ZNF395: variants seen among roughly 807,000 people sequenced by gnomAD.
The protein encoded by ZNF395 is HD gene regulatory region-binding protein 2.
ZNF395 carries 20 observed loss-of-function variants against 57.7 expected under a neutral mutation model. That is an observed-to-expected ratio of 0.35 (90% CI 0.24 to 0.50). ZNF395 has a LOEUF of 0.50. ZNF395 is among the 20% of genes least tolerant of loss of function. ZNF395 has a pLI of 0.97. For synonymous variants in ZNF395, 295 were observed against 275.9 expected (o/e 1.07, Z -0.69); for missense variants, 606 against 671.2 (o/e 0.90, Z 1.07).
At chr8:28,383,423 C>G (rs1802134136) in intron 1 of ZNF395, among the ~76,000 whole-genome samples, 1 of 152,104 alleles carries the variant, frequency 6.6e-6, no homozygotes, top group Non-Finnish European at 1.5e-5. Context: ...CTGCCTCACT[C>G]TCTCTCTCCT....
chr8:28,361,907 C>T (rs969837661), intron 1 of ZNF395, among the ~76,000 whole-genome samples: 5 of 151,902 alleles, frequency 3.3e-5, no homozygotes, highest in African/African-American at 9.7e-5. Flanking sequence ...GCCTGGCCAA[C>T]GTCATGAAAC....
intron 1 of ZNF395, among the ~76,000 whole-genome samples, chr8:28,373,598 A>G (rs190368184): frequency 7.9e-5 from 12 of 152,228 alleles, no homozygotes; most frequent in Admixed American, 3.9e-4. Flanking sequence ...AGAATTTCCC[A>G]TCCAGAGTCC....
rs767806755 is a variant in ZNF395, at chr8:28,348,447, T to A, written c.*272A>T. The A allele has an allele frequency of 1.7e-5, 7 of 418,288 alleles. No homozygotes were observed. The highest frequency in any genetic ancestry group is 4.5e-6 in the Non-Finnish European group (1 of 223,464). 25.9% of individuals were successfully genotyped at this position (418,288 alleles called of 1,614,324 possible). A position where few individuals can be genotyped will look rare whatever the true frequency, so the allele number is the denominator to read the frequency against. On this transcript the variant is annotated 3_prime_UTR_variant, in exon 10 of 10. Transcript: ENST00000344423. ...ATGTGGGAAACGGAGGGTAATTAAT[T>A]CTTTGGTCACTGGTTCACTGCTGAA...
chr8:28,375,146 G>A (rs1802025223), intron 1 of ZNF395: 1 of 152,284 alleles, frequency 6.6e-6, no homozygotes, highest in African/African-American at 2.4e-5. Flanking sequence ...CAGCACTTTG[G>A]GAGGCCAAGG....
intron 1 of ZNF395, chr8:28,386,117 G>GCGCGGCC (rs921129876): frequency 6.8e-6 from 1 of 147,048 alleles, no homozygotes; most frequent in Non-Finnish European, 1.5e-5. Flanking sequence ...CGCCCTCCCG[G>GCGCGGCC]CGCGGCCCGC....
intron 1 of ZNF395, among the ~76,000 whole-genome samples, chr8:28,380,609 C>T (rs191002934): frequency 4.9e-4 from 74 of 152,318 alleles, no homozygotes; most frequent in Middle Eastern, 3.4e-3. Context: ...ATCCAGCCCA[C>T]GTCTTACCAC....
rs1230051222 is a variant in ZNF395, at chr8:28,359,442, G to T, written c.473+150C>A. The T allele has an allele frequency of 1.8e-6, 2 of 1,120,098 alleles. No individual in the cohort carries two copies. Among genetic ancestry groups the T allele is most frequent in the South Asian group, 4.2e-5 (2 of 47,896 alleles). The allele number at this position is 1,120,098 out of a possible 1,614,324, so 69.4% of individuals were successfully genotyped here. ...AGATGCCACTCTGGTTTTCTTAAAA[G>T]ATTCCCCTTTTCTGTGTCCCATTTG... is the stretch of plus-strand genomic sequence containing the variant. On this transcript the variant is annotated intron_variant, in intron 3 of 9. Transcript: ENST00000344423. The surrounding 1 kb of genome is among the most constrained non-coding windows in gnomAD (Gnocchi z 4.7).
chr8:28,372,461 A>G (rs1403640088), intron 1 of ZNF395, among the ~76,000 whole-genome samples: 6 of 152,250 alleles, frequency 3.9e-5, no homozygotes, highest in East Asian at 1.9e-4. Flanking sequence ...AAATTTTAAC[A>G]TCAACAAGGG....
chr8:28,373,388 G>A (rs1295852225), intron 1 of ZNF395, among the ~76,000 whole-genome samples: 1 of 152,230 alleles, frequency 6.6e-6, no homozygotes, highest in African/African-American at 2.4e-5. Context: ...ATCGTAAACA[G>A]TGGCACATGC....
rs751151095 is a variant in ZNF395 at position 28,360,954 on chromosome 8, C to T, written c.171G>A (p.Gln57=). The T allele has an allele frequency of 6.2e-7, 1 of 1,613,786 alleles. No individual in the cohort carries two copies. The highest frequency in any genetic ancestry group is 2.2e-5 in the East Asian group (1 of 44,884). ...TGGGAGCCTTAAGGACTTCCTTGGGCTGCTCCTGGCAGGGGGTGTCATCAG... is the reference window on the plus strand; with the variant it reads ...TGGGAGCCTTAAGGACTTCCTTGGGTTGCTCCTGGCAGGGGGTGTCATCAG... ...TTSDDTPCQE[Q]PKEVLKAPST... is the part of the protein sequence containing the mutation. The change falls in exon 2 of 10, where the codon CAG becomes CAA. Residue 57 remains glutamine, a synonymous_variant. Coordinates refer to ENST00000344423, the MANE Select transcript of ZNF395 (RefSeq NM_018660.3).
chr8:28,377,072 C>T (rs971348562), intron 1 of ZNF395, among the ~76,000 whole-genome samples: 1 of 152,030 alleles, frequency 6.6e-6, no homozygotes, highest in Admixed American at 6.5e-5. Context: ...GTGACCTGCA[C>T]AACAACAAAA....
chr8:28,358,485 G>A (rs2129955364), intron 3 of ZNF395, among the ~76,000 whole-genome samples: 1 of 152,210 alleles, frequency 6.6e-6, no homozygotes, highest in East Asian at 1.9e-4. Context: ...TCCCAGGCTG[G>A]AGTGCAGTGG....
At position 28,349,159 on chromosome 8, in the gene ZNF395, C is replaced by T. The variant is rs1359878095; in HGVS notation, c.1396G>A (p.Val466Ile). The T allele has an allele frequency of 5.4e-5, 85 of 1,565,952 alleles. No homozygotes were observed. The highest frequency in any genetic ancestry group is 7.0e-5 in the Non-Finnish European group (81 of 1,157,540). ...PAPAMKSHLI[V>I]TSPPRAQSGA... is the part of the protein sequence containing the mutation. ...CTCTGGGCCCGGGGTGGAGAAGTGA[C>T]GATCAGATGAGATTTCATCGCAGGT... The change falls in exon 9 of 10, where the codon GTC becomes ATC. Residue 466 changes from valine to isoleucine, a missense_variant. By Grantham distance (29) the Val-to-Ile change is conservative. Around this residue, in one of 3 missense-constraint regions of ZNF395, gnomAD observed 261 missense variants for 240.3 expected, o/e 1.09. Transcript: ENST00000344423.
At position 28,346,700 on chromosome 8, in the gene ZNF395, C is replaced by CT. The variant is rs1383325275; in HGVS notation, c.*2018dup. On this transcript the variant is annotated 3_prime_UTR_variant, in exon 10 of 10. Transcript: ENST00000344423. ...TAAAGACGAGACGGCAGTGAAAACT[C>CT]TGAGGGAGAGGGGAAGGGGAGGCCC... is the stretch of plus-strand genomic sequence containing the variant. 1.3e-5 allele frequency: 2 copies of CT among 152,008 alleles called. No homozygotes were observed. The highest frequency in any genetic ancestry group is 2.9e-5 in the Non-Finnish European group (2 of 68,060). 9.4% of individuals were successfully genotyped at this position (152,008 alleles called of 1,614,324 possible). A position where few individuals can be genotyped will look rare whatever the true frequency, so the allele number is the denominator to read the frequency against.
Position 28,356,798 on chromosome 8 carries a change from G to A in ZNF395, c.474-19C>T, listed in dbSNP as rs1192595320. On this transcript the variant is annotated intron_variant, in intron 3 of 9. Coordinates refer to ENST00000344423, the MANE Select transcript of ZNF395 (RefSeq NM_018660.3). The surrounding 1 kb of genome is among the most constrained non-coding windows in gnomAD (Gnocchi z 4.0). ...CGACTTCCTGGATTCACACGGATGA[G>A]TGGGAAATGTTACTTCCTGGCATGG... 3 of 1,603,364 alleles carry A rather than the reference G, an allele frequency of 1.9e-6. No individual in the cohort carries two copies. Among genetic ancestry groups the A allele is most frequent in the Non-Finnish European group, 1.7e-6 (2 of 1,171,980 alleles).
In ZNF395 at chr8:28,361,034, C is replaced by T. The variant is rs1437262133; in HGVS notation, c.91G>A (p.Ala31Thr). The T allele has an allele frequency of 6.2e-7, 1 of 1,609,922 alleles. No individual in the cohort carries two copies. Among genetic ancestry groups the T allele is most frequent in the East Asian group, 2.2e-5 (1 of 44,862 alleles). ...GPSASEGPSA[A>T]PPSEPLLEGA... ...TCTAGCAGTGGCTCCGAGGGTGGGG[C>T]AGCCGAGGGCCCCTCCGAGGCACTG... is the stretch of plus-strand genomic sequence containing the variant. Residue 31 changes from alanine to threonine, a missense_variant, in exon 2 of 10, where the codon GCC (alanine) becomes ACC (threonine). Physicochemically the swap from Ala to Thr is moderately conservative, Grantham distance 58. Transcript: ENST00000344423.
chr8:28,351,639 A>G lies in ZNF395; in HGVS notation c.1089T>C (p.Pro363=). ...PAPTPSMTGL[P]LSALPPPLHK... ...GCAGAGGTGGTGGAAGAGCAGACAG[A>G]GGCAGGCCAGTCATGCTGGGGGTGG... Residue 363 remains proline, a synonymous_variant, in exon 7 of 10, where the codon CCT becomes CCC. Coordinates refer to ENST00000344423, the MANE Select transcript of ZNF395 (RefSeq NM_018660.3). 1 of 1,613,466 alleles carries G rather than the reference A, an allele frequency of 6.2e-7. No individual in the cohort carries two copies. The highest frequency in any genetic ancestry group is 8.5e-7 in the Non-Finnish European group (1 of 1,179,958).
Position 28,371,261 on chromosome 8 carries a change from G to A in ZNF395, c.-58-10079C>T, listed in dbSNP as rs568693769. Among the ~76,000 whole-genome samples, 3 of 152,320 alleles carry A rather than the reference G, an allele frequency of 2.0e-5. No homozygotes were observed. The South Asian group carries it at 6.2e-4, about 32-fold the overall frequency. ...AGTCGCACGATCACAGCTCACTGCGGCCTTGACCTCCCAGGTTCAAGCTAT... is the reference window on the plus strand; with the variant it reads ...AGTCGCACGATCACAGCTCACTGCGACCTTGACCTCCCAGGTTCAAGCTAT... On this transcript the variant is annotated intron_variant, in intron 1 of 9. Transcript: ENST00000344423.
intron 1 of ZNF395, among the ~76,000 whole-genome samples, chr8:28,372,849 G>A (rs1039095378): frequency 1.3e-5 from 2 of 152,204 alleles, no homozygotes; most frequent in African/African-American, 4.8e-5. Flanking sequence ...TAAATGTGCT[G>A]TGTGACAGGG....
Sources: gnomAD v4.1 joint callset for allele counts (sites outside exome capture counted in the v4.1 genomes callset) on GRCh38, gnomAD v4.1.1 for gene constraint, gnomAD v4.1.1 regional missense constraint, Gnocchi (gnomAD v3.1) non-coding constraint, MANE v1.5 for transcripts, NCBI Gene and HGNC (gene_info 2026-07-23, HGNC 2026-07-21) for gene names.